The following ZNF875 variants were observed in gnomAD, a reference collection of about 807,000 sequenced individuals.
ZNF875 encodes HKR1, GLI-Kruppel zinc finger family member.
Under a neutral mutation model 11.2 loss-of-function variants are expected in ZNF875, and 14 were observed. The ratio of observed to expected loss-of-function variants is 1.26; its 90% confidence interval spans 0.83 to 1.96. ZNF875 has a LOEUF of 1.96. Among genes scored for constraint, ZNF875 ranks in the 30% most tolerant of loss-of-function variants. ZNF875 has a pLI of 0.00. For synonymous variants in ZNF875, 301 were observed against 281.1 expected (o/e 1.07, Z -0.71); for missense variants, 752 against 760.4 (o/e 0.99, Z 0.13).
intron 4 of ZNF875, among the ~76,000 whole-genome samples, chr19:37,355,583 C>T (rs1361089110): frequency 6.6e-6 from 1 of 152,138 alleles, no homozygotes; most frequent in Non-Finnish European, 1.5e-5. Context: ...AACTTTGATA[C>T]AGTCATTTTG....
At chr19:37,359,997 T>C (rs2039638456) in intron 4 of ZNF875, among the ~76,000 whole-genome samples, 1 of 152,234 alleles carries the variant, frequency 6.6e-6, no homozygotes, top group Non-Finnish European at 1.5e-5. Flanking sequence ...AGAACTTTAT[T>C]CTTAACTCAA....
At chr19:37,336,526 C>G (rs1369762886) in intron 2 of ZNF875, among the ~76,000 whole-genome samples, 1 of 149,630 alleles carries the variant, frequency 6.7e-6, no homozygotes, top group Non-Finnish European at 1.5e-5. Flanking sequence ...GTCTCGATCT[C>G]CTGACCTCAT....
At position 37,363,890 on chromosome 19, in the gene ZNF875, G is replaced by A; in HGVS notation, c.*115G>A. On this transcript the variant is annotated 3_prime_UTR_variant, in exon 5 of 5. Coordinates refer to ENST00000392153, the MANE Select transcript of ZNF875 (RefSeq NM_001353803.2). ...TTTTCAGCCATTGCTAGATACCAAA[G>A]TGGAGACATTCTGTGTGTGATTATG... 2 of 775,830 alleles carry A rather than the reference G, an allele frequency of 2.6e-6. No homozygotes were observed. The highest frequency in any genetic ancestry group is 4.3e-6 in the Non-Finnish European group (2 of 466,904). The allele number at this position is 775,830 out of a possible 1,614,324, so 48.1% of individuals were successfully genotyped here.
intron 2 of ZNF875, among the ~76,000 whole-genome samples, chr19:37,344,013 G>C (rs752587684): frequency 2.6e-5 from 4 of 152,140 alleles, no homozygotes; most frequent in Non-Finnish European, 4.4e-5. Context: ...AGTCTACCCT[G>C]TTCTCTACAG....
At chr19:37,336,884 G>A (rs2034565077) in intron 2 of ZNF875, among the ~76,000 whole-genome samples, 1 of 151,706 alleles carries the variant, frequency 6.6e-6, no homozygotes, top group South Asian at 2.1e-4. Flanking sequence ...CTCCAGCCCG[G>A]GCAACAGAGT....
At chr19:37,360,998 A>T (rs528043433) in intron 4 of ZNF875, among the ~76,000 whole-genome samples, 5 of 151,758 alleles carry the variant, frequency 3.3e-5, no homozygotes, top group Middle Eastern at 3.4e-3. Context: ...GCTTTTTTGA[A>T]ATTTTATGCT....
In ZNF875 at chr19:37,362,100, C is replaced by A. The variant is rs1389061566; in HGVS notation, c.257-9C>A. ...TATGGCCCCTCTGAAAATGTTCTTT[C>A]TTCAGCAGAATCGAAGCCAGAAATT... On this transcript the variant is annotated splice_polypyrimidine_tract_variant and intron_variant, in intron 4 of 4. Coordinates refer to ENST00000392153, the MANE Select transcript of ZNF875 (RefSeq NM_001353803.2). The A allele has an allele frequency of 6.2e-7, 1 of 1,602,188 alleles. No homozygotes were observed. Among genetic ancestry groups the A allele is most frequent in the East Asian group, 2.2e-5 (1 of 44,810 alleles).
chr19:37,323,011 C>A (rs767879224), intron 2 of ZNF875, among the ~76,000 whole-genome samples: 1 of 151,962 alleles, frequency 6.6e-6, no homozygotes, highest in Admixed American at 6.6e-5. Flanking sequence ...TGGTGGAAAC[C>A]CCGCCCTGAG....
upstream of ZNF875, among the ~76,000 whole-genome samples, chr19:37,313,760 G>GTT (rs2030062720): frequency 6.6e-6 from 1 of 152,028 alleles, no homozygotes; most frequent in Non-Finnish European, 1.5e-5. Context: ...GTGTGTGTGT[G>GTT]TGTGTGTGTT....
chr19:37,362,864 T>C lies in ZNF875; in HGVS notation c.1012T>C (p.Tyr338His), dbSNP rs1264718890. 9.9e-6 allele frequency: 16 copies of C among 1,614,026 alleles called. No homozygotes were observed. The Admixed American group carries it at 1.0e-4, about 10-fold the overall frequency. The change falls in exon 5 of 5, where the codon TAT becomes CAT. Residue 338 changes from tyrosine (Y) to histidine (H), a missense_variant. Tyr to His is a moderately conservative substitution (Grantham distance 83). Transcript: ENST00000392153. ...HQRTHSGLKP[Y>H]VCKECGQSFS... is the part of the protein sequence containing the mutation. ...GCGGACACACTCAGGGCTCAAGCCT[T>C]ATGTGTGCAAGGAATGTGGGCAGAG...
intron 4 of ZNF875, among the ~76,000 whole-genome samples, chr19:37,360,376 T>A (rs2039700323): frequency 6.6e-6 from 1 of 152,226 alleles, no homozygotes; most frequent in South Asian, 2.1e-4. Flanking sequence ...CTTTATTTTC[T>A]TTTTCAGAAA....
exon 1 of ZNF875, chr19:37,318,176 C>G (rs555321312): frequency 6.5e-6 from 1 of 153,652 alleles, no homozygotes; most frequent in Admixed American, 6.5e-5. Flanking sequence ...CGTATTGTCT[C>G]AAGATTAAAG....
rs539977617 is a variant in ZNF875 at position 37,362,721 on chromosome 19, G to T, written c.869G>T (p.Gly290Val). Residue 290 changes from glycine (G) to valine (V), a missense_variant, in exon 5 of 5, where the codon GGC (glycine) becomes GTC (valine). Transcript: ENST00000392153. Reference protein sequence around the residue: ...KPYVCRECGRGFTWKSNLITH... With the variant: ...KPYVCRECGRVFTWKSNLITH... ...TATGTGTGCAGGGAATGTGGGCGAG[G>T]CTTTACGTGGAAGTCAAACCTGATC... 2 of 1,613,500 alleles carry T rather than the reference G, an allele frequency of 1.2e-6. No individual in the cohort carries two copies. Among genetic ancestry groups the T allele is most frequent in the East Asian group, 4.5e-5 (2 of 44,860 alleles).
upstream of ZNF875, among the ~76,000 whole-genome samples, chr19:37,333,009 A>C (rs1011169121): frequency 3.3e-5 from 5 of 152,140 alleles, no homozygotes; most frequent in African/African-American, 9.7e-5. Context: ...GCTTTCCTAG[A>C]TGTCTTGTTG....
chr19:37,317,744 C>G (rs1003568733), upstream of ZNF875, among the ~76,000 whole-genome samples: 1 of 152,238 alleles, frequency 6.6e-6, no homozygotes, highest in Admixed American at 6.5e-5. Flanking sequence ...AGCGAACCTG[C>G]ACATCCATTG....
At chr19:37,318,239 G>A (rs567655709) in intron 1 of ZNF875, 5 of 152,562 alleles carry the variant, frequency 3.3e-5, no homozygotes, top group African/African-American at 1.2e-4. Context: ...TTTATTTCTA[G>A]GCAGGTGTTT....
upstream of ZNF875, among the ~76,000 whole-genome samples, chr19:37,316,457 C>A (rs1372689022): frequency 1.3e-5 from 2 of 152,096 alleles, no homozygotes; most frequent in Non-Finnish European, 2.9e-5. Flanking sequence ...GCAACCTCCC[C>A]CTCCCGGGTT....
chr19:37,325,725 A>T (rs940720256), intron 4 of ZNF875, among the ~76,000 whole-genome samples: 33 of 150,478 alleles, frequency 2.2e-4, no homozygotes, highest in African/African-American at 7.3e-4. Context: ...TTTTTTTTTT[A>T]AAGGCTGGGT....
In ZNF875 at chr19:37,364,221, T is replaced by C. The variant is rs1194156969; in HGVS notation, c.*446T>C. 5.9e-6 allele frequency: 1 copy of C among 170,610 alleles called. No individual in the cohort carries two copies. The highest frequency in any genetic ancestry group is 2.4e-5 in the African/African-American group (1 of 41,758). The allele number at this position is 170,610 out of a possible 1,614,324, so 10.6% of individuals were successfully genotyped here. A position where few individuals can be genotyped will look rare whatever the true frequency, so the allele number is the denominator to read the frequency against. On this transcript the variant is annotated 3_prime_UTR_variant, in exon 5 of 5. Transcript: ENST00000392153. ...CACCTATTTTACGTATACCTGCCCT[T>C]TCCTAATTGGTTTTTACACTGCTGT... is the stretch of plus-strand genomic sequence containing the variant.
Sources: gnomAD v4.1 joint callset for allele counts (sites outside exome capture counted in the v4.1 genomes callset) on GRCh38, gnomAD v4.1.1 for gene constraint, MANE v1.5 for transcripts, NCBI Gene and HGNC (gene_info 2026-07-23, HGNC 2026-07-21) for gene names.